OR51B5: variants seen among roughly 807,000 people sequenced by gnomAD.
The protein encoded by OR51B5 is olfactory receptor 51B5.
For synonymous variants in OR51B5, 186 were observed against 144.8 expected (o/e 1.28, Z -2.04); for missense variants, 456 against 374.6 (o/e 1.22, Z -1.79).
chr11:5,403,281 G>C (rs1850001820), intron 1 of OR51B5: 1 of 471,540 alleles, frequency 2.1e-6, no homozygotes, highest in Non-Finnish European at 4.4e-6. Flanking sequence ...CACTGTATTG[G>C]GTATTGCCAC....
chr11:5,422,378 C>T (rs772951053), intron 1 of OR51B5: 35 of 1,614,058 alleles, frequency 2.2e-5, no homozygotes, highest in Admixed American at 3.3e-5. Flanking sequence ...TGTCCACCAG[C>T]GCATGTATCT....
intron 1 of OR51B5, chr11:5,489,208 C>T (rs374416246): frequency 2.9e-5 from 47 of 1,613,692 alleles, no homozygotes; most frequent in Middle Eastern, 1.6e-4. Flanking sequence ...CTTGCTGAGG[C>T]GACTCCCCTA....
chr11:5,490,094 T>C (rs1851560599), intron 1 of OR51B5, among the ~76,000 whole-genome samples: 3 of 152,196 alleles, frequency 2.0e-5, no homozygotes, highest in Admixed American at 6.5e-5. Flanking sequence ...AAAGTCAGAG[T>C]GCCTGCGTTT....
At chr11:5,418,648 T>G (rs1850278520) in intron 1 of OR51B5, among the ~76,000 whole-genome samples, 1 of 151,326 alleles carries the variant, frequency 6.6e-6, no homozygotes, top group Non-Finnish European at 1.5e-5. Flanking sequence ...AAACACCACA[T>G]GTTCTCATTC....
At chr11:5,341,737 A>G (rs1848896613), downstream of OR51B5, among the ~76,000 whole-genome samples, 1 of 152,114 alleles carries the variant, frequency 6.6e-6, no homozygotes, top group African/African-American at 2.4e-5. Context: ...GACCTTTTTC[A>G]TAGCAAAAGG....
At chr11:5,400,513 A>C (rs1263060257) in intron 1 of OR51B5, among the ~76,000 whole-genome samples, 1 of 151,808 alleles carries the variant, frequency 6.6e-6, no homozygotes, top group East Asian at 1.9e-4. Context: ...ACTAATTCTT[A>C]GGTCTTAGCT....
chr11:5,498,154 G>A (rs1851676070), intron 1 of OR51B5, among the ~76,000 whole-genome samples: 1 of 152,178 alleles, frequency 6.6e-6, no homozygotes. Flanking sequence ...CAGCAGAAGA[G>A]GTAGCTTCCC....
intron 1 of OR51B5, among the ~76,000 whole-genome samples, chr11:5,368,913 T>C (rs1849412656): frequency 6.6e-6 from 1 of 152,208 alleles, no homozygotes; most frequent in African/African-American, 2.4e-5. Flanking sequence ...TGGAAGCCTC[T>C]GTTCAGGAAC....
intron 1 of OR51B5, among the ~76,000 whole-genome samples, chr11:5,409,435 C>A (rs1400843843): frequency 6.6e-6 from 1 of 151,930 alleles, no homozygotes; most frequent in African/African-American, 2.4e-5. Context: ...TGGGAAAAAG[C>A]TGATGAAATA....
intron 1 of OR51B5, among the ~76,000 whole-genome samples, chr11:5,497,068 G>GAT (rs1204734506): frequency 1.0e-5 from 1 of 100,202 alleles, no homozygotes; most frequent in African/African-American, 3.6e-5. Context: ...AAAAAAAAGA[G>GAT]AGAGGAAAGG....
At chr11:5,396,130 C>T (rs1183486904) in intron 1 of OR51B5, among the ~76,000 whole-genome samples, 3 of 152,178 alleles carry the variant, frequency 2.0e-5, no homozygotes, top group Non-Finnish European at 2.9e-5. Flanking sequence ...AACCACACTG[C>T]ACTGCCTAAT....
At chr11:5,499,773 C>T (rs1851693201) in intron 1 of OR51B5, among the ~76,000 whole-genome samples, 1 of 152,176 alleles carries the variant, frequency 6.6e-6, no homozygotes, top group Non-Finnish European at 1.5e-5. Flanking sequence ...ACAATCTCTT[C>T]CCTGGACTTC....
At chr11:5,456,861 A>G (rs191764758) in intron 1 of OR51B5, among the ~76,000 whole-genome samples, 29 of 152,310 alleles carry the variant, frequency 1.9e-4, no homozygotes, top group South Asian at 1.0e-3. Context: ...TGTTCTCATG[A>G]TAGTGAGTGA....
At position 5,343,132 on chromosome 11, in the gene OR51B5, G is replaced by GGTATATCTAAGAGGGTTGCAGAT; in HGVS notation, c.370_392dup (p.Val133AlafsTer15). ...CTACTCGAGTATTAGTAAGTACAGAGGTATATCTAAGAGGGTTGCAGATGG... is the reference window on the plus strand; with the variant it reads ...CTACTCGAGTATTAGTAAGTACAGAGGTATATCTAAGAGGGTTGCAGATGTATATCTAAGAGGGTTGCAGATGG... On this transcript the variant is annotated frameshift_variant, in exon 1 of 1. Coordinates refer to ENST00000300773, the Ensembl canonical transcript of OR51B5. LOFTEE classifies it low-confidence loss of function (END_TRUNC). 1 of 1,613,630 alleles carries GGTATATCTAAGAGGGTTGCAGAT rather than the reference G, an allele frequency of 6.2e-7. No homozygotes were observed. The highest frequency in any genetic ancestry group is 8.5e-7 in the Non-Finnish European group (1 of 1,179,766).
chr11:5,484,624 C>G (rs1009062808), intron 1 of OR51B5, among the ~76,000 whole-genome samples: 5 of 152,170 alleles, frequency 3.3e-5, no homozygotes, highest in African/African-American at 1.2e-4. Context: ...TCCACAAAGA[C>G]ATGTGTTCAC....
At chr11:5,439,475 C>T (rs1212725264) in intron 1 of OR51B5, among the ~76,000 whole-genome samples, 2 of 152,150 alleles carry the variant, frequency 1.3e-5, no homozygotes, top group East Asian at 3.9e-4. Flanking sequence ...CAGTTGGAAA[C>T]TCCCCGTTTG....
intron 1 of OR51B5, among the ~76,000 whole-genome samples, chr11:5,397,234 C>A (rs1849889430): frequency 6.6e-6 from 1 of 152,160 alleles, no homozygotes; most frequent in African/African-American, 2.4e-5. Context: ...ATCTTCTGCA[C>A]AGCAAAAGAA....
chr11:5,440,852 T>C (rs1324248711), intron 1 of OR51B5: 5 of 1,613,830 alleles, frequency 3.1e-6, no homozygotes, highest in Admixed American at 1.7e-5. Context: ...TCAGGATCAA[T>C]GCGTAGGAAA....
intron 1 of OR51B5, among the ~76,000 whole-genome samples, chr11:5,480,551 A>G (rs11037692): frequency 0.59 from 88,465 of 150,326 alleles, 26,415 homozygotes; most frequent in South Asian, 0.7. Context: ...ACCCTTCAAA[A>G]AATCAATGAA....
Sources: gnomAD v4.1 joint callset for allele counts (sites outside exome capture counted in the v4.1 genomes callset) on GRCh38, gnomAD v4.1.1 for gene constraint, MANE v1.5 for transcripts, NCBI Gene and HGNC (gene_info 2026-07-23, HGNC 2026-07-21) for gene names.